Variants in CNTNAP2 observed in about 807,000 individuals in gnomAD.
CNTNAP2 encodes the protein contactin-associated protein-like 2.
In CNTNAP2, 98 loss-of-function variants were observed where a neutral mutation model predicts 155.2. The ratio of observed to expected loss-of-function variants is 0.63; its 90% CI spans 0.54 to 0.75. The LOEUF (loss-of-function observed/expected upper bound fraction) is 0.75. Among genes scored for constraint, CNTNAP2 ranks in the 30% least tolerant of loss-of-function variants. CNTNAP2 has a pLI of 0.00. For synonymous variants in CNTNAP2, 651 were observed against 631.2 expected, an observed-to-expected ratio of 1.03 and a Z score of -0.47; for missense variants, 1,727 against 1,688.1, an observed-to-expected ratio of 1.02 and a Z score of -0.40.
intron 1 of CNTNAP2, among the ~76,000 whole-genome samples, chr7:146,451,258 A>G (rs1796476947): frequency 6.6e-6 from 1 of 152,114 alleles, no homozygotes; most frequent in African/African-American, 2.4e-5. Context: ...AAAACTGTTT[A>G]TTTCTAAATA....
chr7:147,462,925 G>T (rs966526472), intron 10 of CNTNAP2, among the ~76,000 whole-genome samples: 7 of 152,174 alleles, frequency 4.6e-5, no homozygotes, highest in African/African-American at 1.7e-4. Context: ...TAACAGTTAT[G>T]AACACACTTG....
chr7:146,832,853 G>A (rs1015607630), intron 2 of CNTNAP2, among the ~76,000 whole-genome samples: 2 of 151,690 alleles, frequency 1.3e-5, no homozygotes, highest in African/African-American at 4.8e-5. Context: ...CCGCCACCAC[G>A]CCTGGCAAAT....
At chr7:147,660,801 G>T (rs1182237103) in intron 13 of CNTNAP2, among the ~76,000 whole-genome samples, 3 of 152,220 alleles carry the variant, frequency 2.0e-5, no homozygotes, top group African/African-American at 7.2e-5. Flanking sequence ...TTAAAGAGAA[G>T]TAAGATGGTA....
intron 3 of CNTNAP2, among the ~76,000 whole-genome samples, chr7:146,993,185 G>T (rs1377415374): frequency 6.6e-6 from 1 of 152,188 alleles, no homozygotes; most frequent in Non-Finnish European, 1.5e-5. Flanking sequence ...GAGAGATCAA[G>T]TGCCCTATTT....
chr7:147,554,427 G>T (rs1799910856), intron 11 of CNTNAP2, among the ~76,000 whole-genome samples: 1 of 151,986 alleles, frequency 6.6e-6, no homozygotes, highest in Admixed American at 6.5e-5. Context: ...AGGGATTTGG[G>T]AAGGATCAAA....
At chr7:147,788,321 A>G (rs1797767743) in intron 13 of CNTNAP2, among the ~76,000 whole-genome samples, 1 of 152,216 alleles carries the variant, frequency 6.6e-6, no homozygotes, top group African/African-American at 2.4e-5. Context: ...TAAGAAGCAG[A>G]ATGTATAACT....
intron 1 of CNTNAP2, among the ~76,000 whole-genome samples, chr7:146,523,412 T>C (rs1249658951): frequency 1.3e-5 from 2 of 152,100 alleles, no homozygotes; most frequent in Non-Finnish European, 2.9e-5. Context: ...CCCCTTATTG[T>C]ATAAAAGAGT....
chr7:146,820,773 G>A (rs1266728552), intron 2 of CNTNAP2, among the ~76,000 whole-genome samples: 1 of 152,130 alleles, frequency 6.6e-6, no homozygotes, highest in Non-Finnish European at 1.5e-5. Flanking sequence ...GGGTGTTAAA[G>A]TCTCCCATTA....
At position 146,525,578 on chromosome 7, in the gene CNTNAP2, CTCTA is replaced by C. The variant is rs1222244103; in HGVS notation, c.98-248686_98-248683del. ...TATCTATCTATCTATCTATCTATCT[CTCTA>C]TCTATCATCTATCTATCATCTTGAT... is the stretch of plus-strand genomic sequence containing the variant. On this transcript the variant is annotated intron_variant, in intron 1 of 23. Transcript: ENST00000361727. Among the ~76,000 whole-genome samples the C allele has an allele frequency of 1.5e-4, 16 of 106,060 alleles. No individual in the cohort carries two copies. The South Asian group carries it at 2.4e-3, about 16-fold the overall frequency. The allele number at this position is 106,060 out of a possible 152,430, so 69.6% of individuals were successfully genotyped here.
chr7:147,530,455 G>A (rs1168494925), intron 11 of CNTNAP2, among the ~76,000 whole-genome samples: 2 of 152,130 alleles, frequency 1.3e-5, no homozygotes, highest in African/African-American at 4.8e-5. Context: ...TGGGATTACA[G>A]GGGTGAGCCA....
At chr7:146,218,321 A>G (rs536854543) in intron 1 of CNTNAP2, among the ~76,000 whole-genome samples, 4 of 152,258 alleles carry the variant, frequency 2.6e-5, no homozygotes, top group East Asian at 1.9e-4. Flanking sequence ...CATCCTGGCT[A>G]ACACGGTGAA....
At chr7:146,856,297 G>GATAGATAGATAGATACATAC (rs869052895) in intron 3 of CNTNAP2, among the ~76,000 whole-genome samples, 13 of 116,698 alleles carry the variant, frequency 1.1e-4, no homozygotes, top group South Asian at 2.9e-4. Context: ...TAGATAGATA[G>GATAGATAGATAGATACATAC]ATACATACAT....
In CNTNAP2 at chr7:148,387,083, C is replaced by T. The variant is rs941554277; in HGVS notation, c.3715+3195C>T. ...CATCTTCCTGGGAGTAAAAGCCACCCGTAAGAGGGAGGTATGGCAGCCTCA... is the reference window on the plus strand; with the variant it reads ...CATCTTCCTGGGAGTAAAAGCCACCTGTAAGAGGGAGGTATGGCAGCCTCA... On this transcript the variant is annotated intron_variant, in intron 22 of 23. Coordinates refer to ENST00000361727, the MANE Select transcript of CNTNAP2 (RefSeq NM_014141.6). Among the ~76,000 whole-genome samples the T allele has an allele frequency of 3.9e-5, 6 of 152,064 alleles. No homozygotes were observed. The South Asian group carries it at 6.2e-4, about 16-fold the overall frequency.
intron 1 of CNTNAP2, among the ~76,000 whole-genome samples, chr7:146,661,714 T>C (rs978033802): frequency 5.3e-5 from 4 of 75,516 alleles, no homozygotes; most frequent in African/African-American, 1.8e-4. Flanking sequence ...GTTTTTCTTT[T>C]TCTTTCTTTC....
intron 13 of CNTNAP2, among the ~76,000 whole-genome samples, chr7:147,900,208 C>G (rs1265241507): frequency 6.6e-6 from 1 of 152,126 alleles, no homozygotes; most frequent in African/African-American, 2.4e-5. Flanking sequence ...ATCTCCATCT[C>G]TGGTACGGTT....
intron 3 of CNTNAP2, among the ~76,000 whole-genome samples, chr7:146,884,242 C>T (rs143383651): frequency 7.8e-4 from 119 of 152,052 alleles, no homozygotes; most frequent in Non-Finnish European, 1.3e-3. Flanking sequence ...ATTTTTGATC[C>T]CCACGTTTGG....
Position 148,416,056 on chromosome 7 carries a change from C to CTAGTCAACCTTAATGGGCTGTTACA in CNTNAP2, c.*441_*465dup, listed in dbSNP as rs1799981387. On this transcript the variant is annotated 3_prime_UTR_variant, in exon 24 of 24. Transcript: ENST00000361727. ...CCCCAACATTCTCTTCCTTTTGCTTCTAGTCAACCTTAATGGGCTGTTACA... is the reference window on the plus strand; with the variant it reads ...CCCCAACATTCTCTTCCTTTTGCTTCTAGTCAACCTTAATGGGCTGTTACATAGTCAACCTTAATGGGCTGTTACA... The CTAGTCAACCTTAATGGGCTGTTACA allele has an allele frequency of 5.4e-6, 1 of 186,898 alleles. No individual in the cohort carries two copies. Among genetic ancestry groups the CTAGTCAACCTTAATGGGCTGTTACA allele is most frequent in the Non-Finnish European group, 1.1e-5 (1 of 89,666 alleles). The allele number at this position is 186,898 out of a possible 1,614,324, so 11.6% of individuals were successfully genotyped here. A position where few individuals can be genotyped will look rare whatever the true frequency, so the allele number is the denominator to read the frequency against.
chr7:148,111,431 A>G (rs984421309), intron 15 of CNTNAP2, among the ~76,000 whole-genome samples: 1 of 152,238 alleles, frequency 6.6e-6, no homozygotes, highest in Non-Finnish European at 1.5e-5. Flanking sequence ...AATTTAAAAT[A>G]TGATAGCTGA....
At chr7:146,968,627 G>C (rs1797712103) in intron 3 of CNTNAP2, among the ~76,000 whole-genome samples, 1 of 151,474 alleles carries the variant, frequency 6.6e-6, no homozygotes, top group African/African-American at 2.4e-5. Context: ...TCTGATGGTA[G>C]TTTGTATTTC....
Sources: allele counts gnomAD v4.1 joint callset (sites outside exome capture counted in the v4.1 genomes callset), GRCh38; gene constraint gnomAD v4.1.1; transcripts MANE v1.5; gene names NCBI Gene and HGNC (gene_info 2026-07-23, HGNC 2026-07-21).